Variants in SNRNP35 observed in about 807,000 individuals in gnomAD.
SNRNP35 encodes the protein small nuclear ribonucleoprotein U11/U12 subunit 35, also known as U11/U12 small nuclear ribonucleoprotein 35 kDa protein.
Under a neutral mutation model 24.3 loss-of-function variants are expected in SNRNP35, and 16 were observed. The ratio of observed to expected loss-of-function variants is 0.66; its 90% CI spans 0.45 to 1.00. SNRNP35 has a LOEUF of 1.00. Among genes scored for constraint, SNRNP35 ranks in the 50% least tolerant of loss-of-function variants. The pLI is 0.00. For synonymous variants in SNRNP35, 106 were observed against 124.8 expected (o/e 0.85, Z 1.00); for missense variants, 292 against 327.2 (o/e 0.89, Z 0.83).
chr12:123,471,708 T>C (rs1881199230), downstream of SNRNP35: 1 of 152,414 alleles, frequency 6.6e-6, no homozygotes, highest in Admixed American at 6.5e-5. Context: ...GCTTTCAGTC[T>C]GCTCTGGGAC....
In SNRNP35 at chr12:123,465,480, G is replaced by T; in HGVS notation, c.-3-58G>T. ...ATCCTTTTCATGGCATTGTTGTAAG[G>T]GTTGAATGAGTGGCTCAGAGTAGAG... On this transcript the variant is annotated intron_variant, in intron 1 of 1. Transcript: ENST00000526639. The surrounding 1 kb of genome is among the most constrained non-coding windows in gnomAD (Gnocchi z 4.2). The T allele has an allele frequency of 6.7e-7, 1 of 1,503,352 alleles. No individual in the cohort carries two copies. Among genetic ancestry groups the T allele is most frequent in the South Asian group, 1.4e-5 (1 of 73,710 alleles). The allele number at this position is 1,503,352 out of a possible 1,614,324, so 93.1% of individuals were successfully genotyped here.
At chr12:123,459,874 G>T in intron 1 of SNRNP35, 1 of 1,597,496 alleles carries the variant, frequency 6.3e-7, no homozygotes, top group Non-Finnish European at 8.5e-7. Flanking sequence ...CACCTAGAAA[G>T]ATTAATGAGA....
chr12:123,462,501 T>A (rs1328477645), intron 1 of SNRNP35, among the ~76,000 whole-genome samples: 2 of 120,592 alleles, frequency 1.7e-5, no homozygotes, highest in East Asian at 4.2e-4. Context: ...GTCAGAGGTC[T>A]TTTTTTTTTT....
chr12:123,472,957 A>G (rs1245034982), exon 2 of SNRNP35: 2 of 362,818 alleles, frequency 5.5e-6, no homozygotes, highest in Non-Finnish European at 1.0e-5. Flanking sequence ...GTTAGCCGCT[A>G]TGGAGGATTT....
intron 1 of SNRNP35, among the ~76,000 whole-genome samples, chr12:123,463,280 T>A (rs1880733878): frequency 6.6e-6 from 1 of 152,072 alleles, no homozygotes; most frequent in Non-Finnish European, 1.5e-5. Flanking sequence ...CAGGCTGGTC[T>A]CCAACTCCTG....
rs1447352309 is a variant in SNRNP35 at position 123,466,501 on chromosome 12, G to A, written c.*220G>A. On this transcript the variant is annotated 3_prime_UTR_variant, in exon 2 of 2. Coordinates refer to ENST00000526639, the MANE Select transcript of SNRNP35 (RefSeq NM_022717.4). ...ACATGTTATTTAACAGGATCAAGAAGCAATTTTGTAGTTACTGGCATCTGT... is the reference window on the plus strand; with the variant it reads ...ACATGTTATTTAACAGGATCAAGAAACAATTTTGTAGTTACTGGCATCTGT... 6 of 454,828 alleles carry A rather than the reference G, an allele frequency of 1.3e-5. No homozygotes were observed. The highest frequency in any genetic ancestry group is 2.3e-5 in the Non-Finnish European group (6 of 260,030). The allele number at this position is 454,828 out of a possible 1,614,324, so 28.2% of individuals were successfully genotyped here.
At chr12:123,462,519 T>TTG (rs1361207199) in intron 1 of SNRNP35, among the ~76,000 whole-genome samples, 1 of 143,476 alleles carries the variant, frequency 7.0e-6, no homozygotes. Context: ...TTTTTTTTTT[T>TTG]CTTCTGAGAT....
intron 1 of SNRNP35, among the ~76,000 whole-genome samples, chr12:123,460,551 T>C (rs927231381): frequency 5.3e-5 from 7 of 130,912 alleles, no homozygotes; most frequent in Admixed American, 1.9e-4. Flanking sequence ...GGATAGCTCA[T>C]GCCCAGGAGT....
At chr12:123,458,500 C>T (rs1880404496) in intron 1 of SNRNP35, among the ~76,000 whole-genome samples, 1 of 151,868 alleles carries the variant, frequency 6.6e-6, no homozygotes, top group Non-Finnish European at 1.5e-5. Flanking sequence ...TCCACAGAAA[C>T]TTAGGTGTTT....
intron 1 of SNRNP35, chr12:123,460,010 G>T: frequency 1.3e-6 from 1 of 743,572 alleles, no homozygotes; most frequent in South Asian, 1.5e-5. Flanking sequence ...TTGAACAGGA[G>T]CTCTGTGTAC....
downstream of SNRNP35, among the ~76,000 whole-genome samples, chr12:123,467,478 CTT>C (rs1223873970): frequency 6.6e-6 from 1 of 152,154 alleles, no homozygotes; most frequent in Admixed American, 6.6e-5. Flanking sequence ...TCCTTTCTCT[CTT>C]ATCTAGTCTC....
At position 123,461,282 on chromosome 12, in the gene SNRNP35, A is replaced by AT. The variant is rs71088913; in HGVS notation, c.-4+3083dup. Among the ~76,000 whole-genome samples the AT allele has an allele frequency of 9.4e-3, 1,227 of 131,186 alleles. 23 individuals are homozygous for AT. Among genetic ancestry groups the AT allele is most frequent in the African/African-American group, 0.022 (772 of 35,360 alleles). The allele number at this position is 131,186 out of a possible 152,430, so 86.1% of individuals were successfully genotyped here. On this transcript the variant is annotated intron_variant, in intron 1 of 1. Transcript: ENST00000526639. ...AGGCGCCCACCACTACGCCTGGCTAATTTTTTTTTTTTTTTTTGTATTTTT... is the reference window on the plus strand; with the variant it reads ...AGGCGCCCACCACTACGCCTGGCTAATTTTTTTTTTTTTTTTTTGTATTTTT...
chr12:123,460,982 T>TTA (rs1555262400), intron 1 of SNRNP35, among the ~76,000 whole-genome samples: 15 of 125,520 alleles, frequency 1.2e-4, no homozygotes, highest in East Asian at 2.8e-4. Flanking sequence ...TTTTTTTTTT[T>TTA]AAAAACAGAG....
intron 1 of SNRNP35, among the ~76,000 whole-genome samples, chr12:123,463,004 GA>G (rs1354338833): frequency 6.6e-6 from 1 of 152,102 alleles, no homozygotes; most frequent in Non-Finnish European, 1.5e-5. Flanking sequence ...AAATATTATG[GA>G]AAAATGCTGT....
chr12:123,463,163 C>T (rs926470895), intron 1 of SNRNP35, among the ~76,000 whole-genome samples: 6 of 152,068 alleles, frequency 3.9e-5, no homozygotes, highest in Admixed American at 6.6e-5. Context: ...AAGGCTCAAG[C>T]CATCCTCCTG....
At chr12:123,461,320 G>T (rs1344387869) in intron 1 of SNRNP35, among the ~76,000 whole-genome samples, 2 of 146,808 alleles carry the variant, frequency 1.4e-5, no homozygotes, top group East Asian at 2.0e-4. Context: ...TAGAGACGGG[G>T]TTTCACTGTG....
chr12:123,469,677 AT>A (rs1213106969), downstream of SNRNP35, among the ~76,000 whole-genome samples: 10 of 151,584 alleles, frequency 6.6e-5, no homozygotes, highest in Non-Finnish European at 1.2e-4. Context: ...ATTTTAATTA[AT>A]TTTTTGTAGA....
At chr12:123,460,773 G>C (rs1880569869) in intron 1 of SNRNP35, among the ~76,000 whole-genome samples, 1 of 151,760 alleles carries the variant, frequency 6.6e-6, no homozygotes, top group Admixed American at 6.6e-5. Flanking sequence ...CGATTCTCCT[G>C]CCTCAGCCTT....
downstream of SNRNP35, among the ~76,000 whole-genome samples, chr12:123,469,333 T>G (rs888312345): frequency 2.6e-5 from 4 of 152,050 alleles, no homozygotes; most frequent in African/African-American, 9.7e-5. Flanking sequence ...TTTTGTATTT[T>G]TAGTAGAGAT....
Sources: allele counts gnomAD v4.1 joint callset (sites outside exome capture counted in the v4.1 genomes callset), GRCh38; gene constraint gnomAD v4.1.1; non-coding constraint Gnocchi (gnomAD v3.1); transcripts MANE v1.5; gene names NCBI Gene and HGNC (gene_info 2026-07-23, HGNC 2026-07-21).